Variants in DDX42 observed in about 807,000 individuals in gnomAD.
The protein encoded by DDX42 is ATP-dependent RNA helicase DDX42.
Under a neutral mutation model 101.5 loss-of-function variants are expected in DDX42, and 22 were observed. That is an observed-to-expected ratio of 0.22 (90% CI 0.15 to 0.31). DDX42 has a LOEUF of 0.31. Among genes scored for constraint, DDX42 ranks in the 10% least tolerant of loss-of-function variants. The pLI is 1.00. For missense variants in DDX42, 849 were observed against 1,199.9 expected (o/e 0.71, Z 4.32); for synonymous variants, 402 against 401.2 (o/e 1.00, Z -0.02).
In DDX42 at chr17:63,774,233, G is replaced by T; in HGVS notation, c.-160G>T. 1 of 199,496 alleles carries T rather than the reference G, an allele frequency of 5.0e-6. No homozygotes were observed. The highest frequency in any genetic ancestry group is 8.0e-6 in the Non-Finnish European group (1 of 124,720). 12.4% of individuals were successfully genotyped at this position (199,496 alleles called of 1,614,324 possible). A position where few individuals can be genotyped will look rare whatever the true frequency, so the allele number is the denominator to read the frequency against. ...GGCGGTGGTGGCGGTGGCGGCGGCG[G>T]TGGTGGTGGTGGCGGCGGCGGCGGC... On this transcript the variant is annotated 5_prime_UTR_variant, in exon 1 of 18. Transcript: ENST00000389924.
chr17:63,812,888 G>C (rs2039929147), intron 14 of DDX42, among the ~76,000 whole-genome samples: 1 of 152,192 alleles, frequency 6.6e-6, no homozygotes, highest in Admixed American at 6.5e-5. Context: ...AGCTGGGTGT[G>C]GTGGCGCGTG....
chr17:63,799,718 T>G, intron 5 of DDX42, 93 bp downstream of exon 5: 18 of 1,226,570 alleles, frequency 1.5e-5, no homozygotes, highest in Non-Finnish European at 2.0e-5. Context: ...AAAATGGCCA[T>G]TCCTGACATT....
At chr17:63,786,478 G>C (rs547744712) in intron 1 of DDX42, among the ~76,000 whole-genome samples, 1 of 152,314 alleles carries the variant, frequency 6.6e-6, no homozygotes, top group South Asian at 2.1e-4. Flanking sequence ...AGGCTTGAGT[G>C]CAGTGGCGTG....
chr17:63,780,556 A>T (rs141100045), intron 1 of DDX42, among the ~76,000 whole-genome samples: 1 of 152,210 alleles, frequency 6.6e-6, no homozygotes, highest in East Asian at 1.9e-4. Flanking sequence ...AGTCAAGTCT[A>T]TGCCCTCATA....
At chr17:63,774,006 C>A, upstream of DDX42, 1 of 204,594 alleles carries the variant, frequency 4.9e-6, no homozygotes, top group Non-Finnish European at 9.8e-6. Flanking sequence ...GACCCACTTT[C>A]TAGATGGGTC....
chr17:63,781,411 G>A (rs966065047), intron 1 of DDX42, among the ~76,000 whole-genome samples: 5 of 151,974 alleles, frequency 3.3e-5, no homozygotes, highest in African/African-American at 9.7e-5. Context: ...TAGAGATGGG[G>A]TTTCACCGTG....
At chr17:63,811,846 G>A (rs1308913244) in intron 13 of DDX42, 86 bp from the exon 14 acceptor site, 3 of 1,485,836 alleles carry the variant, frequency 2.0e-6, no homozygotes, top group African/African-American at 2.6e-5. Context: ...TCTTCTCGAT[G>A]CAGGTAGAAA....
chr17:63,810,980 TA>T, intron 12 of DDX42, 95 bp from the exon 13 acceptor site: 1 of 966,194 alleles, frequency 1.0e-6, no homozygotes, highest in East Asian at 2.8e-5. Context: ...TGAGCTTATG[TA>T]AAAAAACTGA....
chr17:63,776,898 T>C (rs1433020152), intron 1 of DDX42, among the ~76,000 whole-genome samples: 2 of 152,164 alleles, frequency 1.3e-5, no homozygotes, highest in African/African-American at 4.8e-5. Flanking sequence ...TAAGATTTCC[T>C]AGGAAACCAC....
intron 7 of DDX42, 68 bp from the exon 8 acceptor site, chr17:63,806,467 A>T: frequency 6.6e-7 from 1 of 1,510,702 alleles, no homozygotes. Flanking sequence ...CCAGGTAAGT[A>T]TTGTTGAACT....
Position 63,818,553 on chromosome 17 carries a change from G to C in DDX42, c.*155G>C. 1 of 678,436 alleles carries C rather than the reference G, an allele frequency of 1.5e-6. No homozygotes were observed. Among genetic ancestry groups the C allele is most frequent in the Non-Finnish European group, 2.4e-6 (1 of 418,158 alleles). The allele number at this position is 678,436 out of a possible 1,614,324, so 42.0% of individuals were successfully genotyped here. ...GGAGACATTACCCCTTCATCAGAAGGAATTTTCGGATGTTTTCTTGGGAAG... is the reference window on the plus strand; with the variant it reads ...GGAGACATTACCCCTTCATCAGAAGCAATTTTCGGATGTTTTCTTGGGAAG... On this transcript the variant is annotated 3_prime_UTR_variant, in exon 18 of 18. Coordinates refer to ENST00000389924, the MANE Select transcript of DDX42 (RefSeq NM_203499.3).
chr17:63,782,141 G>A (rs1302802414), intron 1 of DDX42, among the ~76,000 whole-genome samples: 3 of 152,156 alleles, frequency 2.0e-5, no homozygotes, highest in South Asian at 2.1e-4. Context: ...AGCTGGGCAC[G>A]GTGGTGCGTG....
chr17:63,789,730 C>T lies in DDX42; in HGVS notation c.221+2460C>T, dbSNP rs940321277. On this transcript the variant is annotated intron_variant, in intron 2 of 17. Transcript: ENST00000389924. ...CTGGGATTACAGACATGTGCCACCA[C>T]GCCTGGCTAATTTTGTATTTTTAGT... Among the ~76,000 whole-genome samples, 10 of 151,386 alleles carry T rather than the reference C, an allele frequency of 6.6e-5. 1 individual carries two copies. The highest frequency in any genetic ancestry group is 2.2e-4 in the African/African-American group (9 of 41,132).
intron 12 of DDX42, 116 bp from the exon 13 acceptor site, chr17:63,810,960 A>T: frequency 1.3e-6 from 1 of 759,936 alleles, no homozygotes; most frequent in Non-Finnish European, 2.1e-6. Context: ...AACTAAATTT[A>T]AAGTTCAGGT....
In DDX42 at chr17:63,809,610, C is replaced by T; in HGVS notation, c.1203C>T (p.Val401=). 1 of 1,614,086 alleles carries T rather than the reference C, an allele frequency of 6.2e-7. No individual in the cohort carries two copies. Among genetic ancestry groups the T allele is most frequent in the South Asian group, 1.1e-5 (1 of 91,080 alleles). The change falls in exon 11 of 18, where the codon GTC becomes GTT. Residue 401 remains valine (V), a synonymous_variant. Coordinates refer to ENST00000389924, the MANE Select transcript of DDX42 (RefSeq NM_203499.3). ...AGAAAGCTACCAATCTTCAAAGAGT[C>T]TCTTACCTTGTGTTTGATGAAGCAG... is the stretch of plus-strand genomic sequence containing the variant. ...VKKKATNLQR[V]SYLVFDEADR... is the part of the protein sequence containing the mutation.
At chr17:63,804,155 A>C (rs938571148) in intron 6 of DDX42, among the ~76,000 whole-genome samples, 4 of 152,034 alleles carry the variant, frequency 2.6e-5, no homozygotes, top group African/African-American at 9.7e-5. Context: ...TTAAAAAATA[A>C]GTTTAAGAAC....
intron 6 of DDX42, among the ~76,000 whole-genome samples, chr17:63,801,082 C>G (rs1464355534): frequency 6.6e-6 from 1 of 151,202 alleles, no homozygotes; most frequent in South Asian, 2.1e-4. Context: ...CTCTCTGTCT[C>G]TCTGTCACCC....
chr17:63,789,658 C>CT (rs1355325150), intron 2 of DDX42, among the ~76,000 whole-genome samples: 5 of 146,294 alleles, frequency 3.4e-5, no homozygotes, highest in Non-Finnish European at 7.4e-5. Context: ...ACAGCAACCT[C>CT]TGCCTCCTGG....
At chr17:63,783,399 T>C (rs2039511396) in intron 1 of DDX42, among the ~76,000 whole-genome samples, 1 of 152,202 alleles carries the variant, frequency 6.6e-6, no homozygotes, top group Non-Finnish European at 1.5e-5. Context: ...GCTTATTAGC[T>C]CCTTGTTATA....
Sources: allele counts gnomAD v4.1 joint callset (sites outside exome capture counted in the v4.1 genomes callset), GRCh38; gene constraint gnomAD v4.1.1; transcripts MANE v1.5; gene names NCBI Gene and HGNC (gene_info 2026-07-23, HGNC 2026-07-21).